The following DHH variants were observed in gnomAD, a reference collection of about 807,000 sequenced individuals.
DHH encodes desert hedgehog signaling molecule, also known as desert hedgehog protein.
In DHH, 16 loss-of-function variants were observed where a neutral mutation model predicts 27.6. The observed-to-expected ratio is 0.58, with a 90% confidence interval of 0.39 to 0.88. The LOEUF is 0.88. Ranked by LOEUF, DHH falls within the 40% of genes least tolerant of loss-of-function variation. The pLI is 0.00. For synonymous variants in DHH, 289 were observed against 263.4 expected, an observed-to-expected ratio of 1.10 and a Z score of -0.94; for missense variants, 436 against 563.1, an observed-to-expected ratio of 0.77 and a Z score of 2.28.
rs988253785 is a variant in DHH, at chr12:49,086,948, G to A, written c.*2911C>T. ...GATCGGAAGGCAGCAAAGTCAGTCAGAAGTGGCCAAAGAATAGAAAACATT... is the reference window on the plus strand; with the variant it reads ...GATCGGAAGGCAGCAAAGTCAGTCAAAAGTGGCCAAAGAATAGAAAACATT... On this transcript the variant is annotated 3_prime_UTR_variant, in exon 3 of 3. Coordinates refer to ENST00000649637, the MANE Select transcript of DHH (RefSeq NM_021044.4). Among the ~76,000 whole-genome samples, 3 of 152,218 alleles carry A rather than the reference G, an allele frequency of 2.0e-5. No homozygotes were observed. The highest frequency in any genetic ancestry group is 6.5e-5 in the Admixed American group (1 of 15,276).
At chr12:49,092,016 C>A (rs1464982113) in intron 1 of DHH, among the ~76,000 whole-genome samples, 1 of 152,166 alleles carries the variant, frequency 6.6e-6, no homozygotes, top group Non-Finnish European at 1.5e-5. Flanking sequence ...GGCCATTATC[C>A]GGGATGACTT....
chr12:49,090,697 A>ATGTG lies in DHH; in HGVS notation c.566-214_566-213insCACA, dbSNP rs1205604343. Among the ~76,000 whole-genome samples the ATGTG allele has an allele frequency of 6.7e-6, 1 of 150,166 alleles. No individual in the cohort carries two copies. The highest frequency in any genetic ancestry group is 1.5e-5 in the Non-Finnish European group (1 of 67,616). On this transcript the variant is annotated intron_variant, in intron 2 of 2. Coordinates refer to ENST00000649637, the MANE Select transcript of DHH (RefSeq NM_021044.4). The surrounding 1 kb of genome is among the most constrained non-coding windows in gnomAD (Gnocchi z 5.2). The stretch of plus-strand genomic sequence containing the variant: ...TATGTATGTATGTATGTATGTATGT[A>ATGTG]TGTATGTATGTATGTATTTTGAGAT...
Position 49,089,030 on chromosome 12 carries a change from C to G in DHH, c.*829G>C, listed in dbSNP as rs1939250322. 6.6e-6 allele frequency among the ~76,000 whole-genome samples: 1 copy of G among 152,250 alleles called. No individual in the cohort carries two copies. The highest frequency in any genetic ancestry group is 6.5e-5 in the Admixed American group (1 of 15,292). On this transcript the variant is annotated 3_prime_UTR_variant, in exon 3 of 3. Transcript: ENST00000649637. ...ATCCACCCCATCCAGGCCCTGCCACCAAGGTAGGATGGGGACCAGGACTAC... is the reference window on the plus strand; with the variant it reads ...ATCCACCCCATCCAGGCCCTGCCACGAAGGTAGGATGGGGACCAGGACTAC...
In DHH at chr12:49,090,496, A is replaced by G. The variant is rs771292144; in HGVS notation, c.566-12T>C. 1.1e-5 allele frequency: 17 copies of G among 1,598,138 alleles called. No homozygotes were observed. The highest frequency in any genetic ancestry group is 1.4e-5 in the Non-Finnish European group (17 of 1,179,674). ...CGCCAGTGAGTTATCTGCAGGGAAC[A>G]ACCACAGGGAGGATTGAATCAAGAC... On this transcript the variant is annotated splice_polypyrimidine_tract_variant and intron_variant, in intron 2 of 2. Transcript: ENST00000649637. The surrounding 1 kb of genome is among the most constrained non-coding windows in gnomAD (Gnocchi z 5.2).
In DHH at chr12:49,091,807, G is replaced by T. The variant is rs932396522; in HGVS notation, c.304-418C>A. Among the ~76,000 whole-genome samples, 6 of 151,960 alleles carry T rather than the reference G, an allele frequency of 3.9e-5. No homozygotes were observed. The highest frequency in any genetic ancestry group is 6.5e-5 in the Admixed American group (1 of 15,274). ...CCCAGGCACCGGCTCCCCTCCCTCC[G>T]CCTGATTCATCTTTTGTTTCATTGC... On this transcript the variant is annotated intron_variant, in intron 1 of 2. Transcript: ENST00000649637. This position sits in a 1 kb window ranked among gnomAD's most constrained non-coding sequence, Gnocchi z 4.8.
chr12:49,091,001 TG>T lies in DHH; in HGVS notation c.565+126del. The T allele has an allele frequency of 1.4e-6, 2 of 1,443,328 alleles. No individual in the cohort carries two copies. The highest frequency in any genetic ancestry group is 1.9e-6 in the Non-Finnish European group (2 of 1,031,750). The allele number at this position is 1,443,328 out of a possible 1,614,324, so 89.4% of individuals were successfully genotyped here. On this transcript the variant is annotated intron_variant, in intron 2 of 2. Coordinates refer to ENST00000649637, the MANE Select transcript of DHH (RefSeq NM_021044.4). The surrounding 1 kb of genome is among the most constrained non-coding windows in gnomAD (Gnocchi z 4.8). ...AGAGGCGTGAGGCACCGCCTCGGCC[TG>T]GACGGGTGGTTTTCAACACTAAAGC...
chr12:49,094,461 G>C lies in DHH; in HGVS notation c.52C>G (p.Leu18Val), dbSNP rs776969450. Residue 18 changes from leucine to valine, a missense_variant, in exon 1 of 3, where the codon CTG (leucine) becomes GTG (valine). Coordinates refer to ENST00000649637, the MANE Select transcript of DHH (RefSeq NM_021044.4). ...CCCGGCCCGCAGCTCTGGGCTGGCA[G>C]CGCCAGAAGTGCCAAGCAGCACAGG... is the stretch of plus-strand genomic sequence containing the variant. Reference protein sequence around the residue: ...LPLCCLALLALPAQSCGPGRG... With the variant: ...LPLCCLALLAVPAQSCGPGRG... The C allele has an allele frequency of 6.3e-7, 1 of 1,588,784 alleles. No individual in the cohort carries two copies. The highest frequency in any genetic ancestry group is 2.3e-5 in the East Asian group (1 of 43,292).
Position 49,090,552 on chromosome 12 carries a change from C to G in DHH, c.566-68G>C, listed in dbSNP as rs1412367970. ...GTTCCAGAACGATTCTCAAGGCCAG[C>G]GCAGATATCGCCAGTCATGGACAAC... On this transcript the variant is annotated intron_variant, in intron 2 of 2. Transcript: ENST00000649637. The surrounding 1 kb of genome is among the most constrained non-coding windows in gnomAD (Gnocchi z 5.2). 9.6e-6 allele frequency: 15 copies of G among 1,568,162 alleles called. No individual in the cohort carries two copies. Among genetic ancestry groups the G allele is most frequent in the Admixed American group, 3.6e-5 (2 of 55,320 alleles).
chr12:49,091,218 A>G lies in DHH; in HGVS notation c.475T>C (p.Tyr159His). 6.2e-7 allele frequency: 1 copy of G among 1,614,114 alleles called. No homozygotes were observed. Among genetic ancestry groups the G allele is most frequent in the South Asian group, 1.1e-5 (1 of 91,076 alleles). The change falls in exon 2 of 3, where the codon TAT becomes CAT. Residue 159 changes from tyrosine to histidine, a missense_variant. Tyr to His is a moderately conservative substitution (Grantham distance 83, BLOSUM62 2). Transcript: ENST00000649637. This position sits in a 1 kb window ranked among gnomAD's most constrained non-coding sequence, Gnocchi z 4.8. ...ITTSDRDRNKYGLLARLAVEA... is the reference protein window; with the variant it reads ...ITTSDRDRNKHGLLARLAVEA... ...ACTGCGAGGCGCGCCAGCAACCCAT[A>G]CTTGTTGCGGTCGCGGTCAGACGTA...
rs1250138286 is a variant in DHH at position 49,094,587 on chromosome 12, G to A, written c.-75C>T. The A allele has an allele frequency of 2.8e-5, 42 of 1,500,842 alleles. No homozygotes were observed. In the Admixed American group the frequency reaches 7.9e-4, roughly 28 times the overall value. 93.0% of individuals were successfully genotyped at this position (1,500,842 alleles called of 1,614,324 possible). A position where few individuals can be genotyped will look rare whatever the true frequency, so the allele number is the denominator to read the frequency against. On this transcript the variant is annotated 5_prime_UTR_variant, in exon 1 of 3. Coordinates refer to ENST00000649637, the MANE Select transcript of DHH (RefSeq NM_021044.4). ...CTCCTGTCAGTTAGGCATCTCCACAGGCACCAGAGAGGGCAGCAGGCACAG... is the reference window on the plus strand; with the variant it reads ...CTCCTGTCAGTTAGGCATCTCCACAAGCACCAGAGAGGGCAGCAGGCACAG...
Position 49,091,258 on chromosome 12 carries a change from A to T in DHH, c.435T>A (p.Arg145=). The stretch of plus-strand genomic sequence containing the variant: ...GGTCAGACGTAGTGATGTCCAAAGC[A>T]CGGCCTTCGTAGTGGAGTGAATCCT... ...HAQDSLHYEG[R]ALDITTSDRD... Residue 145 remains arginine (R), a synonymous_variant, in exon 2 of 3, where the codon CGT becomes CGA. Coordinates refer to ENST00000649637, the MANE Select transcript of DHH (RefSeq NM_021044.4). This position sits in a 1 kb window ranked among gnomAD's most constrained non-coding sequence, Gnocchi z 4.8. 1 of 1,614,206 alleles carries T rather than the reference A, an allele frequency of 6.2e-7. No homozygotes were observed. Among genetic ancestry groups the T allele is most frequent in the Non-Finnish European group, 8.5e-7 (1 of 1,180,040 alleles).
Position 49,089,965 on chromosome 12 carries a change from A to T in DHH, c.1085T>A (p.Leu362Gln), listed in dbSNP as rs975429841. Residue 362 changes from leucine to glutamine, a missense_variant, in exon 3 of 3, where the codon CTG (leucine) becomes CAG (glutamine). By Grantham distance (113) the Leu-to-Gln change is moderately radical (BLOSUM62 -2). Coordinates refer to ENST00000649637, the MANE Select transcript of DHH (RefSeq NM_021044.4). ...WAHRAFAPLRLLHALGALLPG... is the reference protein window; with the variant it reads ...WAHRAFAPLRQLHALGALLPG... ...GAGCAGCGCCCCTAGCGCGTGCAGC[A>T]GTCTCAAGGGGGCAAAAGCGCGGTG... 2.8e-5 allele frequency: 44 copies of T among 1,575,448 alleles called. No individual in the cohort carries two copies. The highest frequency in any genetic ancestry group is 3.6e-5 in the Non-Finnish European group (42 of 1,161,430).
At position 49,089,707 on chromosome 12, in the gene DHH, A is replaced by C; in HGVS notation, c.*152T>G. The stretch of plus-strand genomic sequence containing the variant: ...CCCGGTATCACCTCCTCTCAGTACG[A>C]GGTTGCCCCTAAGCCAGGCATAGCC... On this transcript the variant is annotated 3_prime_UTR_variant, in exon 3 of 3. Transcript: ENST00000649637. 9.8e-7 allele frequency: 1 copy of C among 1,025,080 alleles called. No homozygotes were observed. The allele number at this position is 1,025,080 out of a possible 1,614,324, so 63.5% of individuals were successfully genotyped here.
Position 49,090,135 on chromosome 12 carries a change from C to T in DHH, c.915G>A (p.Gly305=). 6.6e-7 allele frequency: 1 copy of T among 1,509,436 alleles called. No individual in the cohort carries two copies. Among genetic ancestry groups the T allele is most frequent in the South Asian group, 1.3e-5 (1 of 78,028 alleles). 93.5% of individuals were successfully genotyped at this position (1,509,436 alleles called of 1,614,324 possible). ...CCACGCGCGCTGGCCGAAGCGCATC[C>T]CCGCCGGGCGCCAGCACCGAGTCCC... ...RAGDSVLAPG[G]DALRPARVAR... is the part of the protein sequence containing the mutation. The change falls in exon 3 of 3, where the codon GGG becomes GGA. Residue 305 remains glycine (G), a synonymous_variant. Transcript: ENST00000649637. This position sits in a 1 kb window ranked among gnomAD's most constrained non-coding sequence, Gnocchi z 5.2.
Position 49,094,633 on chromosome 12 carries a change from A to C in DHH, c.-121T>G. ...CACAGCTGCCCCCAGAGTGCCCTAGAGCTCTTGTGGCTCCGTGCACCTGGC... is the reference window on the plus strand; with the variant it reads ...CACAGCTGCCCCCAGAGTGCCCTAGCGCTCTTGTGGCTCCGTGCACCTGGC... On this transcript the variant is annotated 5_prime_UTR_variant, in exon 1 of 3. Coordinates refer to ENST00000649637, the MANE Select transcript of DHH (RefSeq NM_021044.4). The C allele has an allele frequency of 1.7e-6, 2 of 1,205,030 alleles. No homozygotes were observed. Among genetic ancestry groups the C allele is most frequent in the Non-Finnish European group, 2.4e-6 (2 of 837,708 alleles). The allele number at this position is 1,205,030 out of a possible 1,614,324, so 74.6% of individuals were successfully genotyped here.
rs760300446 is a variant in DHH, at chr12:49,090,300, C to G, written c.750G>C (p.Arg250=). 5.0e-6 allele frequency: 8 copies of G among 1,591,032 alleles called. No homozygotes were observed. Among genetic ancestry groups the G allele is most frequent in the Non-Finnish European group, 6.8e-6 (8 of 1,169,736 alleles). ...LLFLDRDLQR[R]ASFVAVETEW... ...CGGTCTCCACAGCCACAAATGAAGC[C>G]CGGCGCTGCAAGTCCCGGTCCAGGA... Residue 250 remains arginine (R), a synonymous_variant, in exon 3 of 3, where the codon CGG becomes CGC. Transcript: ENST00000649637. The surrounding 1 kb of genome is among the most constrained non-coding windows in gnomAD (Gnocchi z 5.2).
chr12:49,087,230 G>T lies in DHH; in HGVS notation c.*2629C>A, dbSNP rs1217170959. 6.6e-6 allele frequency among the ~76,000 whole-genome samples: 1 copy of T among 151,804 alleles called. No individual in the cohort carries two copies. The highest frequency in any genetic ancestry group is 1.5e-5 in the Non-Finnish European group (1 of 67,970). ...TTGAGAGTTAGGAGGGGCCTCAAAG[G>T]AATAAAGATAATAAAGGGAGGAAGT... On this transcript the variant is annotated 3_prime_UTR_variant, in exon 3 of 3. Coordinates refer to ENST00000649637, the MANE Select transcript of DHH (RefSeq NM_021044.4).
Position 49,089,760 on chromosome 12 carries a change from C to T in DHH, c.*99G>A, listed in dbSNP as rs1939260943. ...ATTTTCTCCCTCCCCCTCCCTCTCC[C>T]TCCCTTCCAGTCGGCATCGTCTGCT... On this transcript the variant is annotated 3_prime_UTR_variant, in exon 3 of 3. Coordinates refer to ENST00000649637, the MANE Select transcript of DHH (RefSeq NM_021044.4). 2.1e-6 allele frequency: 3 copies of T among 1,405,942 alleles called. No homozygotes were observed. In the East Asian group the frequency reaches 7.9e-5, roughly 37 times the overall value. The allele number at this position is 1,405,942 out of a possible 1,614,324, so 87.1% of individuals were successfully genotyped here.
At position 49,094,403 on chromosome 12, in the gene DHH, C is replaced by A. The variant is rs138814945; in HGVS notation, c.110G>T (p.Arg37Leu). ...GTAGAGTAGCGGCACGAGCTGCTTGCGCGCATAGCGGCGCCGGCCAACCGG... is the reference window on the plus strand; with the variant it reads ...GTAGAGTAGCGGCACGAGCTGCTTGAGCGCATAGCGGCGCCGGCCAACCGG... Reference protein sequence around the residue: ...RGPVGRRRYARKQLVPLLYKQ... With the variant: ...RGPVGRRRYALKQLVPLLYKQ... The change falls in exon 1 of 3, where the codon CGC becomes CTC. Residue 37 changes from arginine (R) to leucine (L), a missense_variant. Arg to Leu is a moderately radical substitution (Grantham distance 102). Coordinates refer to ENST00000649637, the MANE Select transcript of DHH (RefSeq NM_021044.4). 111 of 1,611,532 alleles carry A rather than the reference C, an allele frequency of 6.9e-5. No homozygotes were observed. The highest frequency in any genetic ancestry group is 9.2e-5 in the Non-Finnish European group (108 of 1,179,234).
Sources: allele counts gnomAD v4.1 joint callset (sites outside exome capture counted in the v4.1 genomes callset), GRCh38; gene constraint gnomAD v4.1.1; non-coding constraint Gnocchi (gnomAD v3.1); transcripts MANE v1.5; gene names NCBI Gene and HGNC (gene_info 2026-07-23, HGNC 2026-07-21).